The following PXDN variants were observed in gnomAD, a reference collection of about 807,000 sequenced individuals.
PXDN encodes peroxidasin.
PXDN carries 77 observed loss-of-function variants against 140.3 expected under a neutral mutation model. The ratio of observed to expected loss-of-function variants is 0.55; its 90% confidence interval spans 0.46 to 0.66. The LOEUF (loss-of-function observed/expected upper bound fraction) is 0.66, where lower values mean the gene tolerates loss of function less well. PXDN is among the 30% of genes least tolerant of loss of function. The pLI is 0.00. For synonymous variants in PXDN, 911 were observed against 857.4 expected, an observed-to-expected ratio of 1.06 and a Z score of -1.09; for missense variants, 1,838 against 2,039.5, an observed-to-expected ratio of 0.90 and a Z score of 1.90.
intron 1 of PXDN, among the ~76,000 whole-genome samples, chr2:1,724,718 T>C (rs1685136618): frequency 6.6e-6 from 1 of 152,190 alleles, no homozygotes; most frequent in Non-Finnish European, 1.5e-5. Flanking sequence ...TTTGGCCAAT[T>C]TGTCTGTTTT....
intron 1 of PXDN, among the ~76,000 whole-genome samples, chr2:1,739,025 G>T (rs1685479779): frequency 6.6e-6 from 1 of 152,174 alleles, no homozygotes; most frequent in African/African-American, 2.4e-5. Flanking sequence ...CCCCAGGTAA[G>T]GGGCCCTCAT....
At chr2:1,723,096 GTGGTTATGGATGAA>G (rs1192641145) in intron 1 of PXDN, among the ~76,000 whole-genome samples, 1 of 152,094 alleles carries the variant, frequency 6.6e-6, no homozygotes, top group Non-Finnish European at 1.5e-5. Flanking sequence ...AGATGGATGA[GTGGTTATGGATGAA>G]TGGACAGATG....
rs540566783 is a variant in PXDN, at chr2:1,702,617, TTTTG to T, written c.201-9487_201-9484del. Among the ~76,000 whole-genome samples, 111 of 152,250 alleles carry T rather than the reference TTTTG, an allele frequency of 7.3e-4. 1 individual carries two copies. The highest frequency in any genetic ancestry group is 2.6e-3 in the African/African-American group (109 of 41,574). On this transcript the variant is annotated intron_variant, in intron 1 of 22. Transcript: ENST00000252804. Reference sequence around the variant, plus strand: ...AAGTCTTCAGGGCACAGCTTGTTTTTTTTGTTTTCTTTTGGTTTTGTTTTGTTTT... The same window carrying T: ...AAGTCTTCAGGGCACAGCTTGTTTTTTTTTCTTTTGGTTTTGTTTTGTTTT...
intron 19 of PXDN, among the ~76,000 whole-genome samples, chr2:1,641,446 C>A (rs570015119): frequency 1.3e-5 from 2 of 152,196 alleles, no homozygotes; most frequent in Admixed American, 1.3e-4. Context: ...CACCGCCCAG[C>A]CCCCAATGTG....
intron 21 of PXDN, 47 bp from the exon 22 acceptor site, chr2:1,635,568 C>T (rs1479888916): frequency 7.5e-7 from 1 of 1,330,464 alleles, no homozygotes; most frequent in Non-Finnish European, 1.1e-6. Context: ...TTCAGAGTAA[C>T]AGCTTGGCTC....
intron 14 of PXDN, among the ~76,000 whole-genome samples, chr2:1,658,572 C>T (rs937516839): frequency 7.9e-5 from 12 of 152,076 alleles, no homozygotes; most frequent in African/African-American, 2.2e-4. Flanking sequence ...CTATCCTCCC[C>T]GACACCTCGC....
At position 1,659,578 on chromosome 2, in the gene PXDN, T is replaced by G. The variant is rs80050437; in HGVS notation, c.1837+1303A>C. 2.6e-3 allele frequency among the ~76,000 whole-genome samples: 392 copies of G among 152,286 alleles called. 14 individuals are homozygous for G. In the East Asian group the frequency reaches 0.065, roughly 25 times the overall value. On this transcript the variant is annotated intron_variant, in intron 14 of 22. Coordinates refer to ENST00000252804, the MANE Select transcript of PXDN (RefSeq NM_012293.3). ...ACCATAATATTAATGATGGTATTTTTGGGGGATGGAATTACGGGTGGACGA... is the reference window on the plus strand; with the variant it reads ...ACCATAATATTAATGATGGTATTTTGGGGGGATGGAATTACGGGTGGACGA...
intron 14 of PXDN, among the ~76,000 whole-genome samples, chr2:1,655,934 C>A (rs141163318): frequency 2.7e-5 from 4 of 148,786 alleles, no homozygotes; most frequent in Non-Finnish European, 5.9e-5. Flanking sequence ...ACATACACAC[C>A]ACACAAATAC....
At chr2:1,671,875 T>C (rs12233131) in intron 9 of PXDN, among the ~76,000 whole-genome samples, 8,763 of 152,306 alleles carry the variant, frequency 0.058, 634 homozygotes, top group African/African-American at 0.17. Context: ...CAAGCAGCCA[T>C]AGACATTGTG....
chr2:1,710,719 C>T (rs796789323), intron 1 of PXDN, among the ~76,000 whole-genome samples: 17 of 137,290 alleles, frequency 1.2e-4, no homozygotes, highest in African/African-American at 3.9e-4. Context: ...AGCACCCACT[C>T]CACCAGCACC....
At chr2:1,664,753 T>C (rs2125426509) in intron 11 of PXDN, 1 of 549,488 alleles carries the variant, frequency 1.8e-6, no homozygotes, top group East Asian at 2.9e-5. Flanking sequence ...TGCCATGATG[T>C]CCATGAGGGA....
Position 1,639,547 on chromosome 2 carries a change from T to A in PXDN, c.3953-125A>T. 7.2e-7 allele frequency: 1 copy of A among 1,392,478 alleles called. No individual in the cohort carries two copies. The highest frequency in any genetic ancestry group is 9.9e-7 in the Non-Finnish European group (1 of 1,010,582). 86.3% of individuals were successfully genotyped at this position (1,392,478 alleles called of 1,614,324 possible). A position where few individuals can be genotyped will look rare whatever the true frequency, so the allele number is the denominator to read the frequency against. On this transcript the variant is annotated intron_variant, in intron 19 of 22. Transcript: ENST00000252804. This position sits in a 1 kb window ranked among gnomAD's most constrained non-coding sequence, Gnocchi z 5.0. ...TGGAACAAACTGTGGCACATTTCAGTGAGGCAACCTGGCAGCTGGTCTGCG... is the reference window on the plus strand; with the variant it reads ...TGGAACAAACTGTGGCACATTTCAGAGAGGCAACCTGGCAGCTGGTCTGCG...
chr2:1,652,451 C>G (rs1376516833), intron 16 of PXDN, among the ~76,000 whole-genome samples: 1 of 151,410 alleles, frequency 6.6e-6, no homozygotes, highest in Non-Finnish European at 1.5e-5. Context: ...AGAAAGTGCC[C>G]AATAAATACT....
chr2:1,700,844 C>T (rs1373557218), intron 1 of PXDN, among the ~76,000 whole-genome samples: 3 of 152,032 alleles, frequency 2.0e-5, no homozygotes, highest in African/African-American at 7.2e-5. Flanking sequence ...CACTACACTC[C>T]AGTCTGGGCG....
chr2:1,728,247 G>C (rs1558529401), intron 1 of PXDN, among the ~76,000 whole-genome samples: 1 of 152,200 alleles, frequency 6.6e-6, no homozygotes, highest in Non-Finnish European at 1.5e-5. Context: ...CAACTGTCCT[G>C]TTCTCAACAA....
At chr2:1,727,118 T>C (rs1685204934) in intron 1 of PXDN, among the ~76,000 whole-genome samples, 1 of 152,188 alleles carries the variant, frequency 6.6e-6, no homozygotes, top group South Asian at 2.1e-4. Flanking sequence ...CCTGTTTGCA[T>C]CCAAGTATCT....
In PXDN at chr2:1,665,804, C is replaced by T. The variant is rs192073384; in HGVS notation, c.1291+410G>A. Among the ~76,000 whole-genome samples, 19 of 152,326 alleles carry T rather than the reference C, an allele frequency of 1.2e-4. No homozygotes were observed. The East Asian group carries it at 2.1e-3, about 17-fold the overall frequency. Reference sequence around the variant, plus strand: ...GAAATCCATGGCAGATGGCGTAAAACGATGAATACTCCCAGATTACATCCA... The same window carrying T: ...GAAATCCATGGCAGATGGCGTAAAATGATGAATACTCCCAGATTACATCCA... On this transcript the variant is annotated intron_variant, in intron 10 of 22. Coordinates refer to ENST00000252804, the MANE Select transcript of PXDN (RefSeq NM_012293.3).
intron 9 of PXDN, 102 bp downstream of exon 9, chr2:1,673,540 CT>C: frequency 6.9e-7 from 1 of 1,443,570 alleles, no homozygotes; most frequent in Non-Finnish European, 9.4e-7. Context: ...CAACTTCAGA[CT>C]TCAATGTTCA....
Position 1,684,062 on chromosome 2 carries a change from G to C in PXDN, c.488+18C>G, listed in dbSNP as rs1207948430. The C allele has an allele frequency of 2.6e-6, 4 of 1,566,082 alleles. No homozygotes were observed. Among genetic ancestry groups the C allele is most frequent in the Non-Finnish European group, 3.5e-6 (4 of 1,153,396 alleles). On this transcript the variant is annotated intron_variant, in intron 5 of 22. Coordinates refer to ENST00000252804, the MANE Select transcript of PXDN (RefSeq NM_012293.3). ...TGGGCTCTGTGAATGGAAAGGCAAG[G>C]AACAACACACAACTCACAGCCTCTC... is the stretch of plus-strand genomic sequence containing the variant.
Sources: gnomAD v4.1 joint callset for allele counts (sites outside exome capture counted in the v4.1 genomes callset) on GRCh38, gnomAD v4.1.1 for gene constraint, Gnocchi (gnomAD v3.1) non-coding constraint, MANE v1.5 for transcripts, NCBI Gene and HGNC (gene_info 2026-07-23, HGNC 2026-07-21) for gene names.